Variants in CCDC195 observed in about 807,000 individuals in gnomAD.
CCDC195 encodes the protein coiled-coil domain-containing protein 195.
At chr2:224,707,869 T>C (rs1037370775) in intron 2 of CCDC195, among the ~76,000 whole-genome samples, 4 of 152,174 alleles carry the variant, frequency 2.6e-5, no homozygotes, top group African/African-American at 9.7e-5. Flanking sequence ...TATAAGACTT[T>C]CTTTATTGGT....
At chr2:224,716,272 G>A in exon 1 of CCDC195, 2 of 398,716 alleles carry the variant, frequency 5.0e-6, no homozygotes, top group Admixed American at 4.4e-5. Flanking sequence ...CTTGCAGTGA[G>A]TTTCATCCGG....
At chr2:224,709,184 G>A (rs1469370852) in intron 2 of CCDC195, among the ~76,000 whole-genome samples, 1 of 144,010 alleles carries the variant, frequency 6.9e-6, no homozygotes, top group Non-Finnish European at 1.5e-5. Flanking sequence ...TGCCTCCCAG[G>A]TTCAAGTGAT....
intron 2 of CCDC195, among the ~76,000 whole-genome samples, chr2:224,706,238 C>CTCTG (rs1697239762): frequency 1.2e-5 from 1 of 86,816 alleles, no homozygotes; most frequent in Non-Finnish European, 2.0e-5. Flanking sequence ...CAGAGTCTCA[C>CTCTG]TCTGTCACCC....
intron 1 of CCDC195, among the ~76,000 whole-genome samples, chr2:224,715,778 C>T (rs935369809): frequency 3.3e-5 from 5 of 152,184 alleles, no homozygotes; most frequent in South Asian, 2.1e-4. Context: ...TATAAGTGTG[C>T]GTGCCATTTG....
intron 2 of CCDC195, among the ~76,000 whole-genome samples, 184 bp downstream of exon 2, chr2:224,709,789 C>T (rs1689290686): frequency 6.6e-6 from 1 of 152,150 alleles, no homozygotes; most frequent in Non-Finnish European, 1.5e-5. Flanking sequence ...TAGAGGGTGC[C>T]ATTTAACCTC....
At chr2:224,705,038 C>G (rs1295896921) in intron 2 of CCDC195, among the ~76,000 whole-genome samples, 2 of 152,152 alleles carry the variant, frequency 1.3e-5, no homozygotes, top group African/African-American at 4.8e-5. Flanking sequence ...ACCTCATTTA[C>G]TCTTCACAAA....
At chr2:224,709,839 G>A (rs1689292800) in intron 2 of CCDC195, 134 bp downstream of exon 2, 1 of 396,870 alleles carries the variant, frequency 2.5e-6, no homozygotes. Context: ...ATTGACATAG[G>A]TAATATGGAA....
chr2:224,709,777 A>G (rs1689290580), intron 2 of CCDC195, among the ~76,000 whole-genome samples, 196 bp downstream of exon 2: 1 of 152,356 alleles, frequency 6.6e-6, no homozygotes, highest in Middle Eastern at 3.4e-3. Context: ...AGAGGCATCT[A>G]TTAGAGGGTG....
intron 2 of CCDC195, among the ~76,000 whole-genome samples, chr2:224,704,166 T>C (rs1697210446): frequency 6.6e-6 from 1 of 152,198 alleles, no homozygotes; most frequent in Non-Finnish European, 1.5e-5. Context: ...TAGTTTGATG[T>C]TCAAAGTGGA....
intron 2 of CCDC195, among the ~76,000 whole-genome samples, chr2:224,707,515 T>C (rs1689229361): frequency 6.6e-6 from 1 of 152,248 alleles, no homozygotes; most frequent in Admixed American, 6.5e-5. Context: ...AAGGCATTCT[T>C]TGGCCATGGT....
At chr2:224,709,902 A>G in intron 2 of CCDC195, 71 bp downstream of exon 2, 1 of 398,366 alleles carries the variant, frequency 2.5e-6, no homozygotes, top group Non-Finnish European at 4.4e-6. Flanking sequence ...GACTTCATTT[A>G]TCCAGGGGAA....
intron 1 of CCDC195, among the ~76,000 whole-genome samples, chr2:224,714,149 C>T (rs971401892): frequency 7.9e-5 from 12 of 152,046 alleles, no homozygotes; most frequent in African/African-American, 2.9e-4. Context: ...CTCACCAATC[C>T]TTTTCAAAGT....
intron 2 of CCDC195, among the ~76,000 whole-genome samples, chr2:224,704,229 A>G (rs941711716): frequency 6.6e-6 from 1 of 152,224 alleles, no homozygotes; most frequent in Non-Finnish European, 1.5e-5. Context: ...TCAGCTCATG[A>G]AATGAAGCAG....
exon 2 of CCDC195, chr2:224,709,981 A>G (rs1038824766): frequency 2.8e-5 from 11 of 398,476 alleles, no homozygotes; most frequent in Non-Finnish European, 3.1e-5. Flanking sequence ...ACCTGCAACC[A>G]CAAACATGCT....
rs140126364 is a variant in CCDC195, at chr2:224,713,660, C to T, written c.235+2471G>A. 1.1e-3 allele frequency among the ~76,000 whole-genome samples: 164 copies of T among 152,268 alleles called. 1 individual carries two copies. Among genetic ancestry groups the T allele is most frequent in the African/African-American group, 3.9e-3 (162 of 41,558 alleles). ...TACATTACTTGCTATTATAATAGCA[C>T]ATAACATTTAAGAAACAGATAAACA... On this transcript the variant is annotated intron_variant, in intron 1 of 2. Transcript: ENST00000638102.
intron 1 of CCDC195, among the ~76,000 whole-genome samples, chr2:224,712,972 G>A (rs1309017879): frequency 2.0e-5 from 3 of 151,976 alleles, no homozygotes; most frequent in Non-Finnish European, 2.9e-5. Context: ...GGGTTCAAGC[G>A]GTTCTCCTGC....
rs540422997 is a variant in CCDC195 at position 224,706,729 on chromosome 2, C to T, written c.483-2842G>A. 7.3e-5 allele frequency among the ~76,000 whole-genome samples: 11 copies of T among 150,760 alleles called. No homozygotes were observed. In the South Asian group the frequency reaches 1.3e-3, roughly 17 times the overall value. On this transcript the variant is annotated intron_variant, in intron 2 of 2. Transcript: ENST00000638102. ...TTCACCATGTTGGTCAGGCTGGTCT[C>T]GAACTCCTGACCTCAGGTTATCTGC...
chr2:224,709,086 C>CTTTTTTTTTTTTTTTTTTTTT (rs35179742), intron 2 of CCDC195, among the ~76,000 whole-genome samples: 1 of 95,766 alleles, frequency 1.0e-5, no homozygotes, highest in African/African-American at 4.3e-5. Flanking sequence ...TTTCTTTTGT[C>CTTTTTTTTTTTTTTTTTTTTT]TTTTTTTTTT....
chr2:224,703,838 A>G (rs1697207469), exon 3 of CCDC195: 1 of 398,470 alleles, frequency 2.5e-6, no homozygotes. Context: ...TTTTTGGAAT[A>G]TGAAGACATG....
Sources: allele counts gnomAD v4.1 joint callset (sites outside exome capture counted in the v4.1 genomes callset), GRCh38; gene constraint gnomAD v4.1.1; transcripts MANE v1.5; gene names NCBI Gene and HGNC (gene_info 2026-07-23, HGNC 2026-07-21).